EPHA5: variants seen among roughly 807,000 people sequenced by gnomAD.
EPHA5 encodes EPH receptor A5.
EPHA5 carries 60 observed loss-of-function variants against 105.0 expected under a neutral mutation model. The observed-to-expected ratio is 0.57, with a 90% confidence interval of 0.46 to 0.71. The LOEUF (loss-of-function observed/expected upper bound fraction) is 0.71. EPHA5 is among the 30% of genes least tolerant of loss of function. The pLI is 0.00. For synonymous variants in EPHA5, 513 were observed against 449.1 expected (o/e 1.14, Z -1.80); for missense variants, 1,218 against 1,274.7 (o/e 0.96, Z 0.68).
At chr4:65,435,639 T>C (rs1437108348) in intron 5 of EPHA5, among the ~76,000 whole-genome samples, 2 of 152,042 alleles carry the variant, frequency 1.3e-5, no homozygotes, top group Non-Finnish European at 2.9e-5. Context: ...AAAATCATTA[T>C]GGCTGCTGGA....
chr4:65,370,094 G>A (rs1718308023), intron 8 of EPHA5, among the ~76,000 whole-genome samples: 1 of 152,098 alleles, frequency 6.6e-6, no homozygotes, highest in Non-Finnish European at 1.5e-5. Flanking sequence ...ATGTTCTTGG[G>A]TGAGGAAAAA....
At chr4:65,476,431 A>C (rs1341066448) in intron 5 of EPHA5, among the ~76,000 whole-genome samples, 5 of 152,152 alleles carry the variant, frequency 3.3e-5, no homozygotes, top group Non-Finnish European at 7.3e-5. Context: ...TGTCTTTTGC[A>C]GCAATATGAA....
At chr4:65,386,581 T>C (rs1341822135) in intron 8 of EPHA5, among the ~76,000 whole-genome samples, 3 of 151,972 alleles carry the variant, frequency 2.0e-5, no homozygotes, top group African/African-American at 7.2e-5. Context: ...ATAACAGTTA[T>C]ACACACACAG....
chr4:65,627,536 C>G (rs1746261319), intron 2 of EPHA5, among the ~76,000 whole-genome samples: 1 of 152,096 alleles, frequency 6.6e-6, no homozygotes, highest in African/African-American at 2.4e-5. Context: ...TCTAGTTATT[C>G]ACAACTGTAA....
chr4:65,476,696 A>G (rs1474085963), intron 5 of EPHA5, among the ~76,000 whole-genome samples: 1 of 152,124 alleles, frequency 6.6e-6, no homozygotes. Flanking sequence ...CAATCTACCC[A>G]TGGAGCAATA....
intron 14 of EPHA5, among the ~76,000 whole-genome samples, chr4:65,340,479 G>A (rs755945310): frequency 6.6e-6 from 1 of 152,088 alleles, no homozygotes; most frequent in African/African-American, 2.4e-5. Flanking sequence ...CACAGTGGGG[G>A]CAGGGAGAAA....
chr4:65,595,570 T>G (rs1254269244), intron 3 of EPHA5, among the ~76,000 whole-genome samples: 1 of 146,666 alleles, frequency 6.8e-6, no homozygotes, highest in Non-Finnish European at 1.5e-5. Flanking sequence ...TTTTATATAA[T>G]ATCTCACAAG....
intron 3 of EPHA5, among the ~76,000 whole-genome samples, chr4:65,507,922 A>C (rs1007210971): frequency 6.6e-6 from 1 of 150,716 alleles, no homozygotes; most frequent in Non-Finnish European, 1.5e-5. Flanking sequence ...TAGATACCCA[A>C]ATTCCCCACT....
chr4:65,408,312 C>T (rs572677780), intron 7 of EPHA5, among the ~76,000 whole-genome samples: 9 of 151,950 alleles, frequency 5.9e-5, no homozygotes, highest in African/African-American at 1.9e-4. Context: ...AGATATATAC[C>T]TTTAGTTATG....
At chr4:65,401,295 G>C (rs1243322576) in intron 8 of EPHA5, among the ~76,000 whole-genome samples, 2 of 151,984 alleles carry the variant, frequency 1.3e-5, no homozygotes, top group African/African-American at 4.8e-5. Context: ...AGGTACTGCA[G>C]GGTGAGTTAT....
intron 3 of EPHA5, among the ~76,000 whole-genome samples, chr4:65,587,413 A>G (rs1742222671): frequency 1.3e-5 from 2 of 152,124 alleles, no homozygotes; most frequent in Admixed American, 1.3e-4. Context: ...AGGCCAAAAC[A>G]TGTTTTAAAA....
At chr4:65,586,328 T>A (rs1742121913) in intron 3 of EPHA5, among the ~76,000 whole-genome samples, 1 of 151,828 alleles carries the variant, frequency 6.6e-6, no homozygotes, top group Non-Finnish European at 1.5e-5. Context: ...AGTTATATAA[T>A]AATTAGACAA....
At chr4:65,374,542 A>C (rs1378289438) in intron 8 of EPHA5, among the ~76,000 whole-genome samples, 3 of 151,966 alleles carry the variant, frequency 2.0e-5, no homozygotes, top group Non-Finnish European at 2.9e-5. Context: ...AGCACATTGG[A>C]ATTGCTGAGC....
intron 5 of EPHA5, among the ~76,000 whole-genome samples, chr4:65,431,391 T>C (rs1269120067): frequency 1.3e-5 from 2 of 152,148 alleles, no homozygotes; most frequent in South Asian, 2.1e-4. Flanking sequence ...TAATAAATAA[T>C]AACTTGTAAA....
At chr4:65,427,640 G>A (rs1007654320) in intron 5 of EPHA5, among the ~76,000 whole-genome samples, 1 of 152,094 alleles carries the variant, frequency 6.6e-6, no homozygotes, top group African/African-American at 2.4e-5. Context: ...AGGGAAGAGG[G>A]AAAAATAGGA....
chr4:65,525,859 T>C (rs930047402), intron 3 of EPHA5, among the ~76,000 whole-genome samples: 1 of 151,972 alleles, frequency 6.6e-6, no homozygotes, highest in East Asian at 1.9e-4. Context: ...TTTCTGTTTC[T>C]CAAACAATGA....
At chr4:65,651,851 G>T (rs183545471) in intron 1 of EPHA5, among the ~76,000 whole-genome samples, 252 of 152,168 alleles carry the variant, frequency 1.7e-3, no homozygotes, top group African/African-American at 5.5e-3. Context: ...TGGCAGAAAA[G>T]AATTCAGAAA....
chr4:65,611,524 C>CA (rs5858974), intron 2 of EPHA5, among the ~76,000 whole-genome samples: 1,620 of 117,770 alleles, frequency 0.014, 28 homozygotes, highest in African/African-American at 0.039. Flanking sequence ...GTTGTTCTGG[C>CA]AAAAAAAAAA....
chr4:65,416,378 A>G (rs187772362), intron 6 of EPHA5, among the ~76,000 whole-genome samples: 195 of 152,228 alleles, frequency 1.3e-3, no homozygotes, highest in African/African-American at 4.6e-3. Flanking sequence ...TTGGAAGGAG[A>G]TAGAGATAAA....
Sources: allele counts gnomAD v4.1 joint callset (sites outside exome capture counted in the v4.1 genomes callset), GRCh38; gene constraint gnomAD v4.1.1; transcripts MANE v1.5; gene names NCBI Gene and HGNC (gene_info 2026-07-23, HGNC 2026-07-21).